OTP: variants seen among roughly 807,000 people sequenced by gnomAD.
OTP encodes homeobox protein orthopedia.
Under a neutral mutation model 22.3 loss-of-function variants are expected in OTP, and 5 were observed. The ratio of observed to expected loss-of-function variants is 0.22; its 90% confidence interval spans 0.12 to 0.47. The LOEUF (loss-of-function observed/expected upper bound fraction) is 0.47. OTP is among the 20% of genes least tolerant of loss of function. The pLI, the probability that OTP is intolerant of heterozygous loss-of-function variation, is 0.99. For synonymous variants in OTP, 229 were observed against 210.6 expected, an observed-to-expected ratio of 1.09 and a Z score of -0.76; for missense variants, 428 against 456.2, an observed-to-expected ratio of 0.94 and a Z score of 0.56.
intron 2 of OTP, among the ~76,000 whole-genome samples, chr5:77,632,506 T>C (rs763081712): frequency 1.3e-5 from 2 of 151,984 alleles, no homozygotes; most frequent in Non-Finnish European, 2.9e-5. Context: ...AGCTAAAGTA[T>C]CAGGGGTATG....
At chr5:77,633,645 CT>C (rs2112369581) in intron 2 of OTP, among the ~76,000 whole-genome samples, 1 of 152,278 alleles carries the variant, frequency 6.6e-6, no homozygotes, top group African/African-American at 2.4e-5. Flanking sequence ...TAAAAATCCA[CT>C]TTCATGATAT....
chr5:77,637,372 A>G, intron 1 of OTP, 142 bp from the exon 2 acceptor site: 1 of 1,026,178 alleles, frequency 9.7e-7, no homozygotes, highest in Non-Finnish European at 1.4e-6. Context: ...CAGGGTATTC[A>G]GCTGGGTTCC....
chr5:77,638,302 AG>A (rs1745041595), intron 1 of OTP, among the ~76,000 whole-genome samples: 1 of 152,086 alleles, frequency 6.6e-6, no homozygotes, highest in Non-Finnish European at 1.5e-5. Context: ...AAAAACAAAA[AG>A]TAACAACATT....
rs917895148 is a variant in OTP at position 77,628,996 on chromosome 5, T to C, written c.*1268A>G. On this transcript the variant is annotated 3_prime_UTR_variant, in exon 3 of 3. Transcript: ENST00000306422. ...GACCAGCACATGCAGAAAGAGCTGA[T>C]TGTGTTTCTCTGTACAAAGTTGCAG... 3.3e-5 allele frequency: 5 copies of C among 152,650 alleles called. No homozygotes were observed. Among genetic ancestry groups the C allele is most frequent in the African/African-American group, 1.2e-4 (5 of 41,456 alleles). The allele number at this position is 152,650 out of a possible 1,614,324, so 9.5% of individuals were successfully genotyped here. A position where few individuals can be genotyped will look rare whatever the true frequency, so the allele number is the denominator to read the frequency against.
At position 77,638,539 on chromosome 5, in the gene OTP, T is replaced by G. The variant is rs1426039207; in HGVS notation, c.11A>C (p.His4Pro). 1.5e-5 allele frequency: 23 copies of G among 1,575,568 alleles called. No individual in the cohort carries two copies. The highest frequency in any genetic ancestry group is 1.8e-5 in the Non-Finnish European group (21 of 1,163,654). MLS[H>P]ADLLDARLGM... Reference sequence around the variant, plus strand: ...TAGCCTGGCGTCCAGGAGGTCGGCATGAGACAGCATCGCGCACCGCTCCAG... The same window carrying G: ...TAGCCTGGCGTCCAGGAGGTCGGCAGGAGACAGCATCGCGCACCGCTCCAG... Residue 4 changes from histidine (H) to proline (P), a missense_variant, in exon 1 of 3, where the codon CAT (histidine) becomes CCT (proline). Transcript: ENST00000306422.
Position 77,630,280 on chromosome 5 carries a change from G to C in OTP, c.962C>G (p.Ser321Cys). The change falls in exon 3 of 3, where the codon TCT becomes TGT. Residue 321 changes from serine (S) to cysteine (C), a missense_variant. Around this residue, in one of 3 missense-constraint regions of OTP, gnomAD observed 236 missense variants for 238.1 expected, o/e 0.99. Coordinates refer to ENST00000306422, the MANE Select transcript of OTP (RefSeq NM_032109.3). Reference sequence around the variant, plus strand: ...GCGGCTGCATTAAGTGAAGCTCATAGAGACTGTGTGCTCTAGCGCCTTGCG... The same window carrying C: ...GCGGCTGCATTAAGTGAAGCTCATACAGACTGTGTGCTCTAGCGCCTTGCG... ...LRRKALEHTV[S>C]MSFT 1.3e-6 allele frequency: 2 copies of C among 1,555,036 alleles called. No individual in the cohort carries two copies. Among genetic ancestry groups the C allele is most frequent in the South Asian group, 1.2e-5 (1 of 85,238 alleles).
In OTP at chr5:77,630,479, T is replaced by A. The variant is rs1370661430; in HGVS notation, c.763A>T (p.Ser255Cys). The stretch of plus-strand genomic sequence containing the variant: ...CCCGCGCCGTTGGAACCCGCCAGGC[T>A]GTTGGACAGGCCCATGGAGTTGGGC... ...PPPNSMGLSN[S>C]LAGSNGAGLQ... The change falls in exon 3 of 3, where the codon AGC (serine) becomes TGC (cysteine). Residue 255 changes from serine (S) to cysteine (C), a missense_variant. Coordinates refer to ENST00000306422, the MANE Select transcript of OTP (RefSeq NM_032109.3). The A allele has an allele frequency of 6.3e-7, 1 of 1,593,330 alleles. No individual in the cohort carries two copies. Among genetic ancestry groups the A allele is most frequent in the Non-Finnish European group, 8.5e-7 (1 of 1,171,820 alleles).
rs749675136 is a variant in OTP at position 77,630,574 on chromosome 5, G to T, written c.668C>A (p.Pro223Gln). Reference protein sequence around the residue: ...AMPGVSQLPLPPALGRQQAMA... With the variant: ...AMPGVSQLPLQPALGRQQAMA... Reference sequence around the variant, plus strand: ...GGCCTGCTGCCTGCCCAGCGCCGGCGGCAGAGGCAGCTGTGACACGCCAGG... The same window carrying T: ...GGCCTGCTGCCTGCCCAGCGCCGGCTGCAGAGGCAGCTGTGACACGCCAGG... Residue 223 changes from proline (P) to glutamine (Q), a missense_variant, in exon 3 of 3, where the codon CCG becomes CAG. Coordinates refer to ENST00000306422, the MANE Select transcript of OTP (RefSeq NM_032109.3). 6.4e-7 allele frequency: 1 copy of T among 1,563,190 alleles called. No homozygotes were observed. Among genetic ancestry groups the T allele is most frequent in the Admixed American group, 1.8e-5 (1 of 54,054 alleles).
At chr5:77,632,040 C>A (rs937362966) in intron 2 of OTP, among the ~76,000 whole-genome samples, 3 of 151,936 alleles carry the variant, frequency 2.0e-5, no homozygotes, top group Non-Finnish European at 4.4e-5. Flanking sequence ...TCAGACAAAC[C>A]CAAACGTCCT....
At chr5:77,634,560 A>G (rs1359447575) in intron 2 of OTP, among the ~76,000 whole-genome samples, 1 of 152,216 alleles carries the variant, frequency 6.6e-6, no homozygotes, top group Non-Finnish European at 1.5e-5. Flanking sequence ...CATACTGAAA[A>G]GAATGTGTGG....
rs1580061220 is a variant in OTP, at chr5:77,629,484, A to C, written c.*780T>G. ...CTGGGCAAGGGTAGCGTGGTGGGAG[A>C]GGAAAGAAAGACAGGAGCTTGGAGA... On this transcript the variant is annotated 3_prime_UTR_variant, in exon 3 of 3. Transcript: ENST00000306422. 6.6e-6 allele frequency: 1 copy of C among 152,626 alleles called. No individual in the cohort carries two copies. The highest frequency in any genetic ancestry group is 2.4e-5 in the African/African-American group (1 of 41,444). 9.5% of individuals were successfully genotyped at this position (152,626 alleles called of 1,614,324 possible).
In OTP at chr5:77,630,489, G is replaced by A. The variant is rs1580061933; in HGVS notation, c.753C>T (p.Gly251=). 3.1e-6 allele frequency: 5 copies of A among 1,593,628 alleles called. No individual in the cohort carries two copies. The South Asian group carries it at 3.4e-5, about 11-fold the overall frequency. The change falls in exon 3 of 3, where the codon GGC becomes GGT. Residue 251 remains glycine (G), a synonymous_variant. Coordinates refer to ENST00000306422, the MANE Select transcript of OTP (RefSeq NM_032109.3). ...LAAGPPPNSM[G]LSNSLAGSNG... The stretch of plus-strand genomic sequence containing the variant: ...TGGAACCCGCCAGGCTGTTGGACAG[G>A]CCCATGGAGTTGGGCGGCGGACCGG...
At chr5:77,635,985 G>T (rs556779946) in intron 2 of OTP, 11 of 152,250 alleles carry the variant, frequency 7.2e-5, no homozygotes, top group Non-Finnish European at 1.6e-4. Context: ...ATAATTATAG[G>T]TGTGATTTTC....
chr5:77,637,567 A>G (rs1399611623), intron 1 of OTP, among the ~76,000 whole-genome samples: 2 of 152,168 alleles, frequency 1.3e-5, no homozygotes, highest in African/African-American at 2.4e-5. Flanking sequence ...GGAAATCGAG[A>G]GCAAATCTTT....
At position 77,630,669 on chromosome 5, in the gene OTP, A is replaced by G. The variant is rs756564468; in HGVS notation, c.573T>C (p.Ala191=). ...ACAGGCTGTCGCCCATGGCGGCGGC[A>G]GCGGCGGCGGCAGCCGACGGGAACT... ...LPQFPSAAAA[A]AAAMGDSLCS... is the part of the protein sequence containing the mutation. Residue 191 remains alanine, a synonymous_variant, in exon 3 of 3, where the codon GCT becomes GCC. Transcript: ENST00000306422. The G allele has an allele frequency of 1.1e-5, 17 of 1,579,352 alleles. No individual in the cohort carries two copies. Among genetic ancestry groups the G allele is most frequent in the Non-Finnish European group, 1.5e-5 (17 of 1,170,720 alleles).
chr5:77,636,589 A>G lies in OTP; in HGVS notation c.447+232T>C, dbSNP rs573257467. On this transcript the variant is annotated intron_variant, in intron 2 of 2. Transcript: ENST00000306422. ...ACAACGCCGGGCTTCGATTTTGAGG[A>G]GCTTCTTCCGGGATGTCGCTATACT... 3.8e-5 allele frequency: 17 copies of G among 445,628 alleles called. No individual in the cohort carries two copies. The South Asian group carries it at 6.5e-4, about 17-fold the overall frequency. The allele number at this position is 445,628 out of a possible 1,614,324, so 27.6% of individuals were successfully genotyped here. A position where few individuals can be genotyped will look rare whatever the true frequency, so the allele number is the denominator to read the frequency against.
At chr5:77,638,248 CG>C (rs2112374697) in intron 1 of OTP, among the ~76,000 whole-genome samples, 1 of 30,070 alleles carries the variant, frequency 3.3e-5, no homozygotes. Flanking sequence ...TATCGCCTTT[CG>C]AAAAAAAAAA....
At position 77,637,352 on chromosome 5, in the gene OTP, A is replaced by G. The variant is rs1745026678; in HGVS notation, c.38-122T>C. On this transcript the variant is annotated intron_variant, in intron 1 of 2. Transcript: ENST00000306422. ...CTCCGCACCCGCGCTTGTCCTAAGG[A>G]AGAAACTCCCAGGGTATTCAGCTGG... The G allele has an allele frequency of 8.6e-6, 10 of 1,164,884 alleles. No individual in the cohort carries two copies. The South Asian group carries it at 1.6e-4, about 19-fold the overall frequency. 72.2% of individuals were successfully genotyped at this position (1,164,884 alleles called of 1,614,324 possible).
intron 2 of OTP, among the ~76,000 whole-genome samples, chr5:77,634,439 T>C (rs912657385): frequency 6.6e-6 from 1 of 152,148 alleles, no homozygotes; most frequent in Non-Finnish European, 1.5e-5. Context: ...CAAATAAAGA[T>C]AAAAAATAAG....
Sources: gnomAD v4.1 joint callset for allele counts (sites outside exome capture counted in the v4.1 genomes callset) on GRCh38, gnomAD v4.1.1 for gene constraint, gnomAD v4.1.1 regional missense constraint, MANE v1.5 for transcripts, NCBI Gene and HGNC (gene_info 2026-07-23, HGNC 2026-07-21) for gene names.